The following MAOA variants were observed in gnomAD, a reference collection of about 807,000 sequenced individuals.
MAOA encodes the protein monoamine oxidase A.
In MAOA, 6 loss-of-function variants were observed where a neutral mutation model predicts 42.0. The observed-to-expected ratio is 0.14, with a 90% CI of 0.08 to 0.28. The LOEUF is 0.28. Ranked by LOEUF, MAOA falls within the 10% of genes least tolerant of loss-of-function variation. MAOA has a pLI of 1.00. For missense variants in MAOA, 262 were observed against 422.3 expected (o/e 0.62, Z 3.33); for synonymous variants, 140 against 154.0 (o/e 0.91, Z 0.67).
intron 11 of MAOA, among the ~76,000 whole-genome samples, chrX:43,741,384 A>C (rs1722729757): frequency 9.0e-6 from 1 of 111,727 alleles, no homozygotes; most frequent in Non-Finnish European, 1.9e-5. Context: ...GAAATTAGAG[A>C]AGGTTCTCTC....
chrX:43,708,824 G>A (rs1188229951), intron 3 of MAOA, among the ~76,000 whole-genome samples: 2 of 107,100 alleles, frequency 1.9e-5, no homozygotes, highest in African/African-American at 6.8e-5. Context: ...CACCATGCCC[G>A]GCTGATTTTT....
intron 3 of MAOA, among the ~76,000 whole-genome samples, chrX:43,701,671 A>C (rs1298607062): frequency 9.0e-6 from 1 of 111,730 alleles, no homozygotes; most frequent in African/African-American, 3.3e-5. Context: ...GTCAGACACA[A>C]AGGATTTCTC....
At chrX:43,667,113 C>T (rs932293539) in intron 1 of MAOA, among the ~76,000 whole-genome samples, 3 of 110,304 alleles carry the variant, frequency 2.7e-5, no homozygotes, top group African/African-American at 9.9e-5. Flanking sequence ...ACATTGTGCA[C>T]ATGTACCCTA....
At chrX:43,740,786 T>G in intron 11 of MAOA, 48 bp downstream of exon 11, 1 of 1,077,768 alleles carries the variant, frequency 9.3e-7, no homozygotes, top group Non-Finnish European at 1.3e-6. Context: ...CTCTGTTCAC[T>G]ATAAGTAGTA....
intron 11 of MAOA, 30 bp downstream of exon 11, chrX:43,740,768 A>G: frequency 1.7e-6 from 2 of 1,160,294 alleles, no homozygotes; most frequent in South Asian, 1.9e-5. Context: ...AATCCCTAGC[A>G]GGTTCTTCTC....
At chrX:43,658,861 T>C (rs1371228909) in intron 1 of MAOA, among the ~76,000 whole-genome samples, 2 of 111,808 alleles carry the variant, frequency 1.8e-5, no homozygotes, top group Non-Finnish European at 1.9e-5. Context: ...CATGAGCGGG[T>C]GAGAAGCATC....
rs1227049238 is a variant in MAOA, at chrX:43,697,645, C to T, written c.306+4217C>T. ...AAACCATCCTCTCACATACTTTAAC[C>T]TTTCAGAGAATACATATTTTCAACC... On this transcript the variant is annotated intron_variant, in intron 3 of 14. Transcript: ENST00000338702. 4.5e-5 allele frequency among the ~76,000 whole-genome samples: 5 copies of T among 111,999 alleles called. No homozygotes were observed. The East Asian group carries it at 1.4e-3, about 31-fold the overall frequency.
At chrX:43,656,256 C>G, upstream of MAOA, 1 of 870,637 alleles carries the variant, frequency 1.1e-6, no homozygotes, top group Non-Finnish European at 1.7e-6. Flanking sequence ...CCCCCGGGCT[C>G]CCCGGGGGAG....
At chrX:43,721,821 T>C (rs1056140768) in intron 5 of MAOA, among the ~76,000 whole-genome samples, 5 of 110,828 alleles carry the variant, frequency 4.5e-5, no homozygotes, top group Non-Finnish European at 9.4e-5. Context: ...GCATTTCTCC[T>C]AATGCTATCC....
intron 5 of MAOA, among the ~76,000 whole-genome samples, chrX:43,715,037 G>A (rs780782013): frequency 1.1e-3 from 117 of 110,900 alleles, no homozygotes; most frequent in Non-Finnish European, 1.7e-3. Context: ...CAGGGCAAGG[G>A]GTAGATACAA....
intron 6 of MAOA, among the ~76,000 whole-genome samples, chrX:43,730,732 G>A (rs941353948): frequency 9.1e-6 from 1 of 110,408 alleles, no homozygotes; most frequent in Non-Finnish European, 1.9e-5. Flanking sequence ...GTGGTGACTA[G>A]TAGGACTAGT....
intron 1 of MAOA, among the ~76,000 whole-genome samples, chrX:43,668,156 A>G (rs373249844): frequency 5.3e-5 from 6 of 112,303 alleles, no homozygotes; most frequent in African/African-American, 1.9e-4. Flanking sequence ...TGTCAATACT[A>G]TGTTTTAACT....
At chrX:43,676,260 T>A (rs2033394882) in intron 1 of MAOA, among the ~76,000 whole-genome samples, 1 of 111,942 alleles carries the variant, frequency 8.9e-6, no homozygotes. Flanking sequence ...GGTGCGGGAT[T>A]TAATCTCCTG....
chrX:43,714,799 C>T (rs1305626206), intron 5 of MAOA, among the ~76,000 whole-genome samples: 4 of 8,729 alleles, frequency 4.6e-4, no homozygotes, highest in Admixed American at 1.8e-3. Context: ...GGAAATGGGG[C>T]GGGGGTGGGG....
At chrX:43,724,902 T>A (rs1471600865) in intron 5 of MAOA, among the ~76,000 whole-genome samples, 1 of 112,143 alleles carries the variant, frequency 8.9e-6, no homozygotes. Context: ...TCAAAGAACA[T>A]CTTTATTTCT....
At chrX:43,673,060 A>C (rs1448184067) in intron 1 of MAOA, among the ~76,000 whole-genome samples, 7 of 110,347 alleles carry the variant, frequency 6.3e-5, no homozygotes, top group African/African-American at 2.3e-4. Flanking sequence ...CTGTGAATCC[A>C]TCTGGTCCTG....
At chrX:43,726,502 TG>T (rs1475209675) in intron 5 of MAOA, among the ~76,000 whole-genome samples, 4 of 112,301 alleles carry the variant, frequency 3.6e-5, no homozygotes, top group Non-Finnish European at 7.5e-5. Context: ...GAAGTTCTTG[TG>T]GTGCATTTTT....
At chrX:43,702,889 T>C (rs1243155192) in intron 3 of MAOA, among the ~76,000 whole-genome samples, 3 of 110,561 alleles carry the variant, frequency 2.7e-5, no homozygotes, top group African/African-American at 9.9e-5. Flanking sequence ...AAAATCAGGC[T>C]TCAGAGACAA....
chrX:43,711,790 TTG>T, intron 3 of MAOA, 80 bp from the exon 4 acceptor site: 3 of 730,537 alleles, frequency 4.1e-6, no homozygotes, highest in Non-Finnish European at 6.5e-6. Context: ...CTTAGGTTGG[TTG>T]CTTTTTTGTT....
Sources: allele counts gnomAD v4.1 joint callset (sites outside exome capture counted in the v4.1 genomes callset), GRCh38; gene constraint gnomAD v4.1.1; transcripts MANE v1.5; gene names NCBI Gene and HGNC (gene_info 2026-07-23, HGNC 2026-07-21).